RASA1: variants seen among roughly 807,000 people sequenced by gnomAD.
RASA1 encodes the protein RAS p21 protein activator 1.
In RASA1, 25 loss-of-function variants were observed where a neutral mutation model predicts 132.2. That is an observed-to-expected ratio of 0.19 (90% confidence interval 0.14 to 0.26). The LOEUF is 0.26. Among genes scored for constraint, RASA1 ranks in the 10% least tolerant of loss-of-function variants. The pLI is 1.00. For synonymous variants in RASA1, 477 were observed against 449.9 expected, an observed-to-expected ratio of 1.06 and a Z score of -0.76; for missense variants, 964 against 1,299.2, an observed-to-expected ratio of 0.74 and a Z score of 3.97.
At chr5:87,285,462 A>G (rs1348396022) in intron 1 of RASA1, among the ~76,000 whole-genome samples, 4 of 152,120 alleles carry the variant, frequency 2.6e-5, no homozygotes, top group Admixed American at 6.6e-5. Context: ...AAGTTTAAAT[A>G]TAATAGGAGA....
At chr5:87,280,605 G>A (rs1001833101) in intron 1 of RASA1, among the ~76,000 whole-genome samples, 4 of 152,094 alleles carry the variant, frequency 2.6e-5, no homozygotes, top group Non-Finnish European at 5.9e-5. Flanking sequence ...GAGCCACCTC[G>A]CCCAGCTTGA....
intron 9 of RASA1, among the ~76,000 whole-genome samples, chr5:87,361,231 T>TA (rs915779218): frequency 1.3e-5 from 2 of 152,204 alleles, no homozygotes; most frequent in Admixed American, 1.3e-4. Context: ...ACTTTATGTA[T>TA]AAAAAACAGG....
chr5:87,384,831 G>GTAGGA (rs1761956984), intron 21 of RASA1, among the ~76,000 whole-genome samples: 1 of 152,042 alleles, frequency 6.6e-6, no homozygotes, highest in Non-Finnish European at 1.5e-5. Context: ...ATAAAGCAGA[G>GTAGGA]GTCCTAGACT....
chr5:87,388,112 T>C (rs1009946241), intron 23 of RASA1, among the ~76,000 whole-genome samples: 1 of 152,194 alleles, frequency 6.6e-6, no homozygotes, highest in East Asian at 1.9e-4. Flanking sequence ...CCCCTGTGTA[T>C]CTGTGATATA....
chr5:87,311,863 CAG>C (rs1487424155), intron 1 of RASA1, among the ~76,000 whole-genome samples: 1 of 152,204 alleles, frequency 6.6e-6, no homozygotes, highest in African/African-American at 2.4e-5. Flanking sequence ...TGAAGGCTTT[CAG>C]TAAACAAAGG....
chr5:87,345,125 C>T (rs571338928), intron 6 of RASA1, among the ~76,000 whole-genome samples: 2 of 151,950 alleles, frequency 1.3e-5, no homozygotes, highest in Non-Finnish European at 2.9e-5. Context: ...AGGTGTGATC[C>T]CAGTTCCCAC....
chr5:87,336,031 C>T (rs996185676), intron 4 of RASA1, among the ~76,000 whole-genome samples: 5 of 152,142 alleles, frequency 3.3e-5, no homozygotes, highest in African/African-American at 1.2e-4. Context: ...ATCCTTTTCA[C>T]AACTACATTC....
At chr5:87,278,342 C>A (rs1047025334) in intron 1 of RASA1, among the ~76,000 whole-genome samples, 1 of 150,516 alleles carries the variant, frequency 6.6e-6, no homozygotes, top group African/African-American at 2.5e-5. Context: ...GTCAGGAGAT[C>A]GAGACCATCC....
At chr5:87,269,037 A>G (rs368130094) in intron 1 of RASA1, 47 bp downstream of exon 1, 4 of 1,614,106 alleles carry the variant, frequency 2.5e-6, no homozygotes, top group Admixed American at 1.7e-5. Context: ...GGCTCCAGAA[A>G]AGAAGTGGAA....
intron 1 of RASA1, among the ~76,000 whole-genome samples, chr5:87,315,244 T>A (rs1002290512): frequency 6.6e-6 from 1 of 152,214 alleles, no homozygotes; most frequent in Non-Finnish European, 1.5e-5. Flanking sequence ...TCTTACAATT[T>A]TGGATGCTGG....
At chr5:87,304,114 C>G (rs1344770459) in intron 1 of RASA1, among the ~76,000 whole-genome samples, 4 of 151,902 alleles carry the variant, frequency 2.6e-5, no homozygotes, top group Non-Finnish European at 5.9e-5. Context: ...GGATTACAGG[C>G]ATGAGCCACT....
intron 1 of RASA1, among the ~76,000 whole-genome samples, chr5:87,298,412 CAAAA>C (rs1255095778): frequency 3.4e-5 from 2 of 58,890 alleles, no homozygotes; most frequent in Non-Finnish European, 3.5e-5. Context: ...GACTCTGTCT[CAAAA>C]AAAAAAAAAA....
intron 1 of RASA1, among the ~76,000 whole-genome samples, chr5:87,273,678 G>A (rs1160082850): frequency 6.6e-6 from 1 of 151,364 alleles, no homozygotes; most frequent in Non-Finnish European, 1.5e-5. Context: ...TAAGAATAGA[G>A]ATTTCTTTTC....
intron 1 of RASA1, among the ~76,000 whole-genome samples, chr5:87,300,342 A>G (rs985174664): frequency 1.3e-5 from 2 of 152,006 alleles, no homozygotes; most frequent in African/African-American, 4.8e-5. Context: ...TTGCCACTGC[A>G]CTCTCACTCG....
At chr5:87,360,277 C>T (rs918120865) in intron 9 of RASA1, among the ~76,000 whole-genome samples, 1 of 152,124 alleles carries the variant, frequency 6.6e-6, no homozygotes, top group South Asian at 2.1e-4. Context: ...CAGGCACGCG[C>T]CACCACGCCC....
rs566105984 is a variant in RASA1, at chr5:87,275,394, T to C, written c.539+6404T>C. Among the ~76,000 whole-genome samples the C allele has an allele frequency of 6.6e-5, 10 of 152,300 alleles. 1 individual carries two copies. In the East Asian group the frequency reaches 1.5e-3, roughly 24 times the overall value. ...TGTGTATTTGCCCTTGATTCTAAAA[T>C]TTGTGTATGGCTTTATGGTGACTTC... On this transcript the variant is annotated intron_variant, in intron 1 of 24. Coordinates refer to ENST00000274376, the MANE Select transcript of RASA1 (RefSeq NM_002890.3).
chr5:87,333,402 C>T (rs1561288229), intron 4 of RASA1, 65 bp downstream of exon 4: 2 of 1,591,074 alleles, frequency 1.3e-6, no homozygotes, highest in Non-Finnish European at 1.7e-6. Flanking sequence ...ATTTATTACT[C>T]TTGGACTAGG....
At chr5:87,369,285 A>G (rs1760752882) in intron 11 of RASA1, among the ~76,000 whole-genome samples, 1 of 152,210 alleles carries the variant, frequency 6.6e-6, no homozygotes, top group South Asian at 2.1e-4. Context: ...AAGGAAGACA[A>G]GAACATTTGT....
chr5:87,286,634 G>A (rs1242219199), intron 1 of RASA1, among the ~76,000 whole-genome samples: 1 of 151,794 alleles, frequency 6.6e-6, no homozygotes, highest in Non-Finnish European at 1.5e-5. Context: ...GAAACTCCCA[G>A]CAGTTTGAAA....
Sources: gnomAD v4.1 joint callset for allele counts (sites outside exome capture counted in the v4.1 genomes callset) on GRCh38, gnomAD v4.1.1 for gene constraint, MANE v1.5 for transcripts, NCBI Gene and HGNC (gene_info 2026-07-23, HGNC 2026-07-21) for gene names.